The following NBEA variants were observed in gnomAD, a reference collection of about 807,000 sequenced individuals.
NBEA encodes the protein neurobeachin.
Under a neutral mutation model 343.4 loss-of-function variants are expected in NBEA, and 44 were observed. That is an observed-to-expected ratio of 0.13 (90% CI 0.10 to 0.16). NBEA has a LOEUF of 0.16. Ranked by LOEUF, NBEA falls within the 10% of genes least tolerant of loss-of-function variation. NBEA has a pLI of 1.00. For synonymous variants in NBEA, 1,175 were observed against 1,238.7 expected (o/e 0.95, Z 1.08); for missense variants, 2,555 against 3,631.3 (o/e 0.70, Z 7.62).
intron 30 of NBEA, chr13:35,186,674 T>C (rs1408707557): frequency 6.6e-6 from 1 of 152,186 alleles, no homozygotes; most frequent in African/African-American, 2.4e-5. Context: ...AAAAAGCTCA[T>C]TGTCAACATC....
chr13:35,464,007 G>T lies in NBEA; in HGVS notation c.6449-8393G>T, dbSNP rs183931570. 6.6e-4 allele frequency among the ~76,000 whole-genome samples: 100 copies of T among 152,174 alleles called. No individual in the cohort carries two copies. The East Asian group carries it at 0.014, about 21-fold the overall frequency. ...ACAGTTAGGGATAAATGCAGATGTA[G>T]AAAAATCTGTAGATAGAGGAAGACA... On this transcript the variant is annotated intron_variant, in intron 40 of 58. Coordinates refer to ENST00000379939, the MANE Select transcript of NBEA (RefSeq NM_001385012.1).
intron 8 of NBEA, among the ~76,000 whole-genome samples, chr13:35,062,347 A>C (rs2063496764): frequency 6.6e-6 from 1 of 151,792 alleles, no homozygotes; most frequent in Admixed American, 6.6e-5. Flanking sequence ...TGGGGTAAAA[A>C]AATAGAACCC....
chr13:34,994,701 G>T (rs947030404), intron 1 of NBEA, among the ~76,000 whole-genome samples: 70 of 152,212 alleles, frequency 4.6e-4, no homozygotes, highest in African/African-American at 1.6e-3. Flanking sequence ...CAGGTAACTT[G>T]TTGATAAGTT....
intron 44 of NBEA, among the ~76,000 whole-genome samples, chr13:35,556,044 AG>A: frequency 6.6e-6 from 1 of 152,128 alleles, no homozygotes; most frequent in Middle Eastern, 3.4e-3. Context: ...TGTCCACAAA[AG>A]GGAATAAAGC....
chr13:35,174,024 T>C (rs1016953586), intron 27 of NBEA, among the ~76,000 whole-genome samples: 1 of 152,178 alleles, frequency 6.6e-6, no homozygotes, highest in Non-Finnish European at 1.5e-5. Context: ...GCTTTCTTTA[T>C]CATATGCTTA....
Position 35,211,080 on chromosome 13 carries a change from C to T in NBEA, c.5549C>T (p.Ser1850Phe), listed in dbSNP as rs1263080853. ...TGAVDSGSSS[S>F]SSSSSFVNGA... is the part of the protein sequence containing the mutation. The stretch of plus-strand genomic sequence containing the variant: ...GCCGTGGATTCAGGGTCCTCCTCCT[C>T]TTCCTCCTCTTCTAGTTTTGTGAAT... The change falls in exon 33 of 59, where the codon TCT (serine) becomes TTT (phenylalanine). Residue 1850 changes from serine (S) to phenylalanine (F), a missense_variant. This residue lies in a region of NBEA where 84 missense variants were observed against 196.4 expected (regional missense o/e 0.43). Coordinates refer to ENST00000379939, the MANE Select transcript of NBEA (RefSeq NM_001385012.1). 1 of 1,551,014 alleles carries T rather than the reference C, an allele frequency of 6.4e-7. No individual in the cohort carries two copies. The highest frequency in any genetic ancestry group is 1.2e-5 in the South Asian group (1 of 83,922).
intron 46 of NBEA, among the ~76,000 whole-genome samples, chr13:35,592,208 A>G (rs537185407): frequency 1.3e-5 from 2 of 152,272 alleles, no homozygotes; most frequent in Admixed American, 1.3e-4. Flanking sequence ...TGGATGGCAG[A>G]CACTATGTTA....
chr13:35,569,127 C>T (rs1425289010), intron 45 of NBEA, among the ~76,000 whole-genome samples: 1 of 152,050 alleles, frequency 6.6e-6, no homozygotes, highest in African/African-American at 2.4e-5. Flanking sequence ...AGGCCATATG[C>T]TTTGAATTGT....
intron 38 of NBEA, among the ~76,000 whole-genome samples, chr13:35,417,733 T>C (rs2044011998): frequency 6.6e-6 from 1 of 152,208 alleles, no homozygotes; most frequent in Admixed American, 6.6e-5. Flanking sequence ...GTGGAGGTTC[T>C]GTAGATGTCT....
At chr13:35,295,068 A>T (rs1417885349) in intron 35 of NBEA, among the ~76,000 whole-genome samples, 12 of 149,070 alleles carry the variant, frequency 8.0e-5, no homozygotes, top group Admixed American at 2.0e-4. Context: ...AAAAAAAATT[A>T]AAAAAAATAG....
chr13:35,525,681 G>T (rs2077939579), intron 41 of NBEA, among the ~76,000 whole-genome samples: 1 of 152,130 alleles, frequency 6.6e-6, no homozygotes, highest in Admixed American at 6.5e-5. Flanking sequence ...TTAGTCTTTT[G>T]GGGTCACTAT....
chr13:35,459,005 G>GC lies in NBEA; in HGVS notation c.6448+6783dup, dbSNP rs559844063. ...GGTAAGTTTATATTTCTTTACCACC[G>GC]CCCCCCCCCCCCCACACACACACAC... is the stretch of plus-strand genomic sequence containing the variant. On this transcript the variant is annotated intron_variant, in intron 40 of 58. Coordinates refer to ENST00000379939, the MANE Select transcript of NBEA (RefSeq NM_001385012.1). 2.5e-3 allele frequency among the ~76,000 whole-genome samples: 252 copies of GC among 100,456 alleles called. 5 individuals carry two copies. The highest frequency in any genetic ancestry group is 4.6e-3 in the Middle Eastern group (1 of 218). 65.9% of individuals were successfully genotyped at this position (100,456 alleles called of 152,430 possible). A position where few individuals can be genotyped will look rare whatever the true frequency, so the allele number is the denominator to read the frequency against.
intron 35 of NBEA, among the ~76,000 whole-genome samples, chr13:35,295,780 C>T (rs897362614): frequency 6.6e-6 from 1 of 152,022 alleles, no homozygotes. Context: ...GTTATATGTT[C>T]AATTACTTAC....
At chr13:35,283,465 G>A (rs1402411886) in intron 34 of NBEA, among the ~76,000 whole-genome samples, 1 of 152,128 alleles carries the variant, frequency 6.6e-6, no homozygotes, top group Non-Finnish European at 1.5e-5. Context: ...GTAGGGAAAT[G>A]TGTAATATCA....
At chr13:35,582,696 A>G (rs896170207) in intron 45 of NBEA, among the ~76,000 whole-genome samples, 5 of 152,216 alleles carry the variant, frequency 3.3e-5, no homozygotes, top group African/African-American at 1.2e-4. Context: ...AACATAATTT[A>G]CAAGTAATTT....
chr13:35,311,269 A>G (rs960439643), intron 36 of NBEA, among the ~76,000 whole-genome samples: 13 of 151,902 alleles, frequency 8.6e-5, no homozygotes, highest in Admixed American at 2.0e-4. Flanking sequence ...TTTTAGAAAT[A>G]ACTCTCAATG....
intron 34 of NBEA, among the ~76,000 whole-genome samples, chr13:35,247,947 A>G (rs1430492801): frequency 6.6e-6 from 1 of 152,242 alleles, no homozygotes; most frequent in Non-Finnish European, 1.5e-5. Context: ...TGCCACAGAA[A>G]TATAAAAGGA....
intron 39 of NBEA, among the ~76,000 whole-genome samples, chr13:35,445,795 T>TATATAC (rs1555267136): frequency 3.7e-5 from 3 of 80,326 alleles, no homozygotes; most frequent in South Asian, 3.1e-4. Context: ...TATATATATA[T>TATATAC]ATATATATAT....
intron 35 of NBEA, among the ~76,000 whole-genome samples, chr13:35,295,071 A>G (rs1425170143): frequency 1.3e-5 from 2 of 149,592 alleles, no homozygotes; most frequent in Non-Finnish European, 3.0e-5. Flanking sequence ...AAAAATTAAA[A>G]AAAATAGCAG....
Sources: gnomAD v4.1 joint callset for allele counts (sites outside exome capture counted in the v4.1 genomes callset) on GRCh38, gnomAD v4.1.1 for gene constraint, gnomAD v4.1.1 regional missense constraint, MANE v1.5 for transcripts, NCBI Gene and HGNC (gene_info 2026-07-23, HGNC 2026-07-21) for gene names.